The following RAPGEF2 variants were observed in gnomAD, a reference collection of about 807,000 sequenced individuals.
RAPGEF2 encodes the protein Rap guanine nucleotide exchange factor 2, also known as PDZ domain containing guanine nucleotide exchange factor (GEF) 1.
A neutral mutation model predicts 186.7 loss-of-function variants in RAPGEF2; 54 were observed. The observed-to-expected ratio is 0.29, with a 90% CI of 0.23 to 0.36. The LOEUF (loss-of-function observed/expected upper bound fraction) is 0.36. Among genes scored for constraint, RAPGEF2 ranks in the 10% least tolerant of loss-of-function variants. The pLI, the probability that RAPGEF2 is intolerant of heterozygous loss-of-function variation, is 1.00. For synonymous variants in RAPGEF2, 712 were observed against 705.9 expected (o/e 1.01, Z -0.14); for missense variants, 1,532 against 2,045.0 (o/e 0.75, Z 4.84).
At chr4:159,237,126 TCCTCCCA>T (rs1753360262) in intron 4 of RAPGEF2, among the ~76,000 whole-genome samples, 1 of 152,158 alleles carries the variant, frequency 6.6e-6, no homozygotes, top group Non-Finnish European at 1.5e-5. Context: ...GCTCAAGTGA[TCCTCCCA>T]TCTCAACTTC....
At chr4:159,240,942 C>G (rs536454892) in intron 5 of RAPGEF2, 1 of 384,894 alleles carries the variant, frequency 2.6e-6, no homozygotes, top group Admixed American at 4.3e-5. Context: ...ATATCCTTCC[C>G]TTTGAAACTA....
chr4:159,245,776 C>T (rs1754560741), intron 7 of RAPGEF2, among the ~76,000 whole-genome samples: 1 of 151,960 alleles, frequency 6.6e-6, no homozygotes, highest in African/African-American at 2.4e-5. Context: ...GAGGAAAAAA[C>T]CCAGCTCTTC....
intron 7 of RAPGEF2, among the ~76,000 whole-genome samples, chr4:159,286,742 C>T (rs1409855568): frequency 6.6e-6 from 1 of 152,166 alleles, no homozygotes; most frequent in African/African-American, 2.4e-5. Flanking sequence ...GTGATGCTTA[C>T]CTGGCTGGCT....
rs1766719200 is a variant in RAPGEF2, at chr4:159,331,826, G to T, written c.1772G>T (p.Gly591Val). 1 of 1,613,936 alleles carries T rather than the reference G, an allele frequency of 6.2e-7. No homozygotes were observed. ...GCAACTGAAGCAGGCTTGAAACGGGGGGATCAGGTATGCCATTTCTAAACT... is the reference window on the plus strand; with the variant it reads ...GCAACTGAAGCAGGCTTGAAACGGGTGGATCAGGTATGCCATTTCTAAACT... ...SKATEAGLKR[G>V]DQILEVNGQN... Residue 591 changes from glycine to valine, a missense_variant, in exon 15 of 30, where the codon GGG becomes GTG. By Grantham distance (109) the Gly-to-Val change is moderately radical. This residue lies in a region of RAPGEF2 where 810 missense variants were observed against 1,210.5 expected (regional missense o/e 0.67). Coordinates refer to ENST00000691494, the MANE Select transcript of RAPGEF2 (RefSeq NM_001394067.2).
chr4:159,127,664 C>A (rs948088245), intron 1 of RAPGEF2, among the ~76,000 whole-genome samples: 1 of 152,026 alleles, frequency 6.6e-6, no homozygotes, highest in Non-Finnish European at 1.5e-5. Context: ...GTCTCCATGG[C>A]GTTTTATAAT....
intron 4 of RAPGEF2, among the ~76,000 whole-genome samples, chr4:159,228,059 T>C (rs1752219938): frequency 1.3e-5 from 2 of 152,058 alleles, no homozygotes; most frequent in African/African-American, 4.8e-5. Flanking sequence ...TAATAGAAAT[T>C]GATAAAGAGT....
intron 3 of RAPGEF2, among the ~76,000 whole-genome samples, chr4:159,202,613 G>A (rs116150483): frequency 0.016 from 2,430 of 151,742 alleles, 65 homozygotes; most frequent in African/African-American, 0.056. Context: ...TTCTTTCTTC[G>A]TTTTTTTGGC....
intron 7 of RAPGEF2, among the ~76,000 whole-genome samples, chr4:159,264,226 T>C (rs1384975641): frequency 1.3e-5 from 2 of 152,316 alleles, no homozygotes; most frequent in East Asian, 1.9e-4. Flanking sequence ...ATTACAATTA[T>C]GAGTTTTAAG....
intron 1 of RAPGEF2, among the ~76,000 whole-genome samples, chr4:159,138,869 A>G (rs1295398151): frequency 6.6e-6 from 1 of 152,240 alleles, no homozygotes; most frequent in African/African-American, 2.4e-5. Flanking sequence ...ATTATAGTTT[A>G]TAGGCACTGA....
rs535258513 is a variant in RAPGEF2, at chr4:159,231,646, A to G, written c.282-7163A>G. On this transcript the variant is annotated intron_variant, in intron 4 of 29. Transcript: ENST00000691494. ...ATATTAAGTTGTATCCTTAATCCAA[A>G]AATTTCAAATACAGAATGCTCCAAA... 2.0e-5 allele frequency among the ~76,000 whole-genome samples: 3 copies of G among 152,256 alleles called. No individual in the cohort carries two copies. In the South Asian group the frequency reaches 6.2e-4, roughly 32 times the overall value.
At position 159,104,553 on chromosome 4, in the gene RAPGEF2, AGTGT is replaced by A. The variant is rs1219918425; in HGVS notation, c.69+337_69+340del. Among the ~76,000 whole-genome samples, 9 of 136,026 alleles carry A rather than the reference AGTGT, an allele frequency of 6.6e-5. 1 individual carries two copies. The East Asian group carries it at 6.7e-4, about 10-fold the overall frequency. The allele number at this position is 136,026 out of a possible 152,430, so 89.2% of individuals were successfully genotyped here. A position where few individuals can be genotyped will look rare whatever the true frequency, so the allele number is the denominator to read the frequency against. On this transcript the variant is annotated intron_variant, in intron 1 of 29. Coordinates refer to ENST00000691494, the MANE Select transcript of RAPGEF2 (RefSeq NM_001394067.2). The stretch of plus-strand genomic sequence containing the variant: ...GAGAGACAGAGAGAGAGAGAGAGAG[AGTGT>A]GTGTGTGTGTGTGTATGTGTGTGAA...
chr4:159,230,612 C>G (rs1223584831), intron 4 of RAPGEF2, among the ~76,000 whole-genome samples: 2 of 152,120 alleles, frequency 1.3e-5, no homozygotes, highest in African/African-American at 4.8e-5. Context: ...GAGATTTGGT[C>G]TTTATAGGTT....
intron 24 of RAPGEF2, among the ~76,000 whole-genome samples, chr4:159,345,675 G>C (rs544736710): frequency 1.3e-5 from 2 of 152,086 alleles, no homozygotes; most frequent in East Asian, 3.9e-4. Context: ...TACCCCCAAA[G>C]TATGGGCAAC....
At chr4:159,267,952 CTG>C (rs1308522920) in intron 7 of RAPGEF2, 1 of 1,365,756 alleles carries the variant, frequency 7.3e-7, no homozygotes, top group African/African-American at 1.5e-5. Context: ...GAGACGAACA[CTG>C]TTGTTCGGAT....
intron 1 of RAPGEF2, among the ~76,000 whole-genome samples, chr4:159,185,919 T>G: frequency 6.6e-6 from 1 of 152,126 alleles, no homozygotes; most frequent in East Asian, 1.9e-4. Flanking sequence ...GGAGTAAATA[T>G]CCCTCATATT....
intron 1 of RAPGEF2, among the ~76,000 whole-genome samples, chr4:159,153,211 A>T (rs1743755187): frequency 6.6e-6 from 1 of 152,176 alleles, no homozygotes; most frequent in Non-Finnish European, 1.5e-5. Flanking sequence ...ACTGGATTAG[A>T]TGCAAGAGAT....
chr4:159,326,001 CTG>C (rs2111175200), intron 11 of RAPGEF2, among the ~76,000 whole-genome samples: 1 of 152,228 alleles, frequency 6.6e-6, no homozygotes, highest in South Asian at 2.1e-4. Flanking sequence ...GGTGAGGTAC[CTG>C]CTAAAGAAAG....
At position 159,264,945 on chromosome 4, in the gene RAPGEF2, G is replaced by A. The variant is rs115230557; in HGVS notation, c.543+21154G>A. On this transcript the variant is annotated intron_variant, in intron 7 of 29. Transcript: ENST00000691494. ...GTAATAGAAATTCATTCCTTTTTAA[G>A]GCTGAATAATGCATATACCACACTT... is the stretch of plus-strand genomic sequence containing the variant. Among the ~76,000 whole-genome samples, 1,258 of 152,206 alleles carry A rather than the reference G, an allele frequency of 8.3e-3. 15 individuals carry two copies. The highest frequency in any genetic ancestry group is 0.028 in the African/African-American group (1,175 of 41,508).
chr4:159,192,349 C>T (rs911225000), intron 2 of RAPGEF2, among the ~76,000 whole-genome samples: 24 of 152,134 alleles, frequency 1.6e-4, no homozygotes, highest in Middle Eastern at 3.4e-3. Context: ...TTTAGCAAAC[C>T]GAGGAAAGAA....
Sources: gnomAD v4.1 joint callset for allele counts (sites outside exome capture counted in the v4.1 genomes callset) on GRCh38, gnomAD v4.1.1 for gene constraint, gnomAD v4.1.1 regional missense constraint, MANE v1.5 for transcripts, NCBI Gene and HGNC (gene_info 2026-07-23, HGNC 2026-07-21) for gene names.